ABLIM1: variants seen among roughly 807,000 people sequenced by gnomAD.
The protein encoded by ABLIM1 is actin-binding LIM protein 1.
Under a neutral mutation model 107.0 loss-of-function variants are expected in ABLIM1, and 40 were observed. That is an observed-to-expected ratio of 0.37 (90% CI 0.29 to 0.49). The LOEUF (loss-of-function observed/expected upper bound fraction) is 0.49. Ranked by LOEUF, ABLIM1 falls within the 20% of genes least tolerant of loss-of-function variation. ABLIM1 has a pLI of 0.97. For synonymous variants in ABLIM1, 357 were observed against 357.3 expected (o/e 1.00, Z 0.01); for missense variants, 857 against 1,008.5 (o/e 0.85, Z 2.04).
At chr10:114,540,647 G>A (rs2066542304) in intron 6 of ABLIM1, among the ~76,000 whole-genome samples, 1 of 152,160 alleles carries the variant, frequency 6.6e-6, no homozygotes, top group Admixed American at 6.5e-5. Context: ...AGCCAGACCT[G>A]GAGCGTCTCT....
At chr10:114,564,350 C>T (rs940425686) in intron 4 of ABLIM1, among the ~76,000 whole-genome samples, 11 of 151,992 alleles carry the variant, frequency 7.2e-5, no homozygotes, top group Admixed American at 1.3e-4. Flanking sequence ...CTGCAACCTC[C>T]GCCTCCCGGG....
intron 8 of ABLIM1, among the ~76,000 whole-genome samples, chr10:114,483,166 C>A (rs7899950): frequency 0.051 from 7,801 of 152,222 alleles, 596 homozygotes; most frequent in African/African-American, 0.16. Context: ...CCCAGTATCA[C>A]GGGACAACGC....
chr10:114,634,733 A>T (rs2078392745), intron 1 of ABLIM1, among the ~76,000 whole-genome samples: 2 of 152,176 alleles, frequency 1.3e-5, no homozygotes, highest in African/African-American at 4.8e-5. Flanking sequence ...AGTCAAAGTG[A>T]ATGAGTCACC....
At position 114,629,078 on chromosome 10, in the gene ABLIM1, G is replaced by A. The variant is rs1274353403; in HGVS notation, c.245-27117C>T. ...TCAATAAGTGTCTGCAGCTGGAAGTGAATGGGTGCCTGGTCAGGAGAACAA... is the reference window on the plus strand; with the variant it reads ...TCAATAAGTGTCTGCAGCTGGAAGTAAATGGGTGCCTGGTCAGGAGAACAA... On this transcript the variant is annotated intron_variant, in intron 1 of 22. Transcript: ENST00000533213. This position sits in a 1 kb window ranked among gnomAD's most constrained non-coding sequence, Gnocchi z 4.0. Among the ~76,000 whole-genome samples, 1 of 152,190 alleles carries A rather than the reference G, an allele frequency of 6.6e-6. No homozygotes were observed. Among genetic ancestry groups the A allele is most frequent in the Non-Finnish European group, 1.5e-5 (1 of 68,032 alleles).
chr10:114,610,196 C>T (rs1316832536), intron 1 of ABLIM1, among the ~76,000 whole-genome samples: 1 of 152,112 alleles, frequency 6.6e-6, no homozygotes, highest in African/African-American at 2.4e-5. Context: ...CAGGCTGCAG[C>T]CATTTATGGG....
At chr10:114,554,522 C>A (rs2497728) in intron 4 of ABLIM1, among the ~76,000 whole-genome samples, 56,482 of 152,034 alleles carry the variant, frequency 0.37, 13,841 homozygotes, top group African/African-American at 0.7. Flanking sequence ...TATAGTGAGA[C>A]CCCCGTCTCT....
At chr10:114,488,461 T>C (rs1317485318) in intron 7 of ABLIM1, among the ~76,000 whole-genome samples, 6 of 152,232 alleles carry the variant, frequency 3.9e-5, no homozygotes, top group South Asian at 2.1e-4. Context: ...AGATAGTCTA[T>C]GTCCAGAAGC....
At chr10:114,655,952 C>T (rs1178993750) in intron 1 of ABLIM1, among the ~76,000 whole-genome samples, 11 of 152,128 alleles carry the variant, frequency 7.2e-5, no homozygotes, top group Admixed American at 5.9e-4. Context: ...TACCGCTTCA[C>T]ACCCACTAGG....
At position 114,441,773 on chromosome 10, in the gene ABLIM1, T is replaced by C. The variant is rs1269037016; in HGVS notation, c.1947A>G (p.Pro649=). Residue 649 remains proline, a synonymous_variant, in exon 18 of 23, where the codon CCA becomes CCG. Transcript: ENST00000533213. The part of the protein sequence containing the change: ...DSPINSASHI[P]SSKTASLPGY... ...CAGGGAGAGATGCAGTTTTAGATGA[T>C]GGAATATGTGAAGCTGAGTAAGAAA... The C allele has an allele frequency of 6.2e-7, 1 of 1,613,886 alleles. No homozygotes were observed. The highest frequency in any genetic ancestry group is 8.5e-7 in the Non-Finnish European group (1 of 1,179,806).
chr10:114,585,046 A>G (rs373147218), intron 2 of ABLIM1, among the ~76,000 whole-genome samples: 1 of 152,172 alleles, frequency 6.6e-6, no homozygotes, highest in Non-Finnish European at 1.5e-5. Context: ...TAACAGAAAA[A>G]TAAGTATTAA....
intron 1 of ABLIM1, among the ~76,000 whole-genome samples, chr10:114,751,092 T>G (rs1251490920): frequency 6.6e-6 from 1 of 152,188 alleles, no homozygotes; most frequent in Non-Finnish European, 1.5e-5. Flanking sequence ...GGAATGTGAA[T>G]GAATACCCAA....
intron 1 of ABLIM1, among the ~76,000 whole-genome samples, chr10:114,674,277 G>A (rs1462419977): frequency 2.2e-5 from 3 of 139,184 alleles, no homozygotes; most frequent in East Asian, 2.1e-4. Context: ...GCCACAGAGC[G>A]AGACTCTGTC....
chr10:114,545,930 CA>C (rs369045013), intron 5 of ABLIM1, among the ~76,000 whole-genome samples: 6 of 111,662 alleles, frequency 5.4e-5, no homozygotes, highest in East Asian at 2.6e-4. Context: ...GACCCCATCT[CA>C]AAAAAAAAAA....
rs372035016 is a variant in ABLIM1 at position 114,508,236 on chromosome 10, G to A, written c.895-16358C>T. Among the ~76,000 whole-genome samples the A allele has an allele frequency of 2.9e-3, 436 of 152,320 alleles. 2 individuals carry two copies. Among genetic ancestry groups the A allele is most frequent in the African/African-American group, 9.8e-3 (408 of 41,568 alleles). On this transcript the variant is annotated intron_variant, in intron 6 of 22. Transcript: ENST00000533213. ...CCAGTGATAAAGGAAGAACTTTCCAGGTCAAAGAGCCCTAGGATGAAGTCA... is the reference window on the plus strand; with the variant it reads ...CCAGTGATAAAGGAAGAACTTTCCAAGTCAAAGAGCCCTAGGATGAAGTCA...
At chr10:114,590,255 T>C (rs1480250634) in intron 2 of ABLIM1, among the ~76,000 whole-genome samples, 1 of 152,082 alleles carries the variant, frequency 6.6e-6, no homozygotes, top group Non-Finnish European at 1.5e-5. Context: ...TAATGATGTG[T>C]CTCTTAGAAC....
rs1473695824 is a variant in ABLIM1, at chr10:114,447,819, C to T, written c.1735+61G>A. ...ATACATTTTCTTTCATGTTTTTAAGCATGTCATCTTGAGCTCTCCTAGCAG... is the reference window on the plus strand; with the variant it reads ...ATACATTTTCTTTCATGTTTTTAAGTATGTCATCTTGAGCTCTCCTAGCAG... On this transcript the variant is annotated intron_variant, in intron 15 of 22. Coordinates refer to ENST00000533213, the MANE Select transcript of ABLIM1 (RefSeq NM_002313.7). The T allele has an allele frequency of 1.3e-5, 21 of 1,588,372 alleles. No homozygotes were observed. The African/African-American group carries it at 1.4e-4, about 10-fold the overall frequency.
chr10:114,522,828 G>C (rs1379864182), intron 6 of ABLIM1, among the ~76,000 whole-genome samples: 1 of 152,182 alleles, frequency 6.6e-6, no homozygotes, highest in Non-Finnish European at 1.5e-5. Context: ...AAAGGCTCAC[G>C]CTTGCTCATT....
At chr10:114,637,962 G>T (rs535880637) in intron 1 of ABLIM1, among the ~76,000 whole-genome samples, 1 of 152,336 alleles carries the variant, frequency 6.6e-6, no homozygotes, top group African/African-American at 2.4e-5. Flanking sequence ...CTATCAGGTA[G>T]AATTGCAATG....
At chr10:114,555,193 T>A (rs1046374211) in intron 4 of ABLIM1, among the ~76,000 whole-genome samples, 9 of 152,190 alleles carry the variant, frequency 5.9e-5, no homozygotes, top group African/African-American at 2.2e-4. Context: ...AATTAACATC[T>A]TGTGTTCTGA....
Sources: gnomAD v4.1 joint callset for allele counts (sites outside exome capture counted in the v4.1 genomes callset) on GRCh38, gnomAD v4.1.1 for gene constraint, Gnocchi (gnomAD v3.1) non-coding constraint, MANE v1.5 for transcripts, NCBI Gene and HGNC (gene_info 2026-07-23, HGNC 2026-07-21) for gene names.